The following ST8SIA4 variants were observed in gnomAD, a reference collection of about 807,000 sequenced individuals.
ST8SIA4 encodes the protein CMP-N-acetylneuraminate-poly-alpha-2,8-sialyltransferase.
ST8SIA4 carries 15 observed loss-of-function variants against 33.9 expected under a neutral mutation model. That is an observed-to-expected ratio of 0.44 (90% CI 0.30 to 0.68). The LOEUF (loss-of-function observed/expected upper bound fraction) is 0.68, where lower values mean the gene tolerates loss of function less well. Among genes scored for constraint, ST8SIA4 ranks in the 30% least tolerant of loss-of-function variants. The pLI is 0.10. For synonymous variants in ST8SIA4, 171 were observed against 151.2 expected, an observed-to-expected ratio of 1.13 and a Z score of -0.96; for missense variants, 321 against 428.0, an observed-to-expected ratio of 0.75 and a Z score of 2.21.
At chr5:100,822,857 G>T (rs1561384950) in intron 4 of ST8SIA4, among the ~76,000 whole-genome samples, 1 of 152,054 alleles carries the variant, frequency 6.6e-6, no homozygotes, top group Non-Finnish European at 1.5e-5. Context: ...GAAACCAGGC[G>T]AAACTCACCA....
Position 100,875,919 on chromosome 5 carries a change from G to T in ST8SIA4, c.503+10424C>A, listed in dbSNP as rs77684450. ...AAATTTACTAATGTTAAAAGTAGTG[G>T]TATCAAGTAGTGTTTTAGTGTTTTA... On this transcript the variant is annotated intron_variant, in intron 3 of 4. Coordinates refer to ENST00000231461, the MANE Select transcript of ST8SIA4 (RefSeq NM_005668.6). 2.5e-3 allele frequency among the ~76,000 whole-genome samples: 386 copies of T among 152,158 alleles called. 5 individuals carry two copies. In the East Asian group the frequency reaches 0.027, roughly 11 times the overall value.
chr5:100,816,993 A>G (rs1390005327), intron 4 of ST8SIA4, among the ~76,000 whole-genome samples: 2 of 147,428 alleles, frequency 1.4e-5, no homozygotes, highest in Non-Finnish European at 3.0e-5. Context: ...CCCAGGCTGG[A>G]GTGCAATGGC....
rs1051648592 is a variant in ST8SIA4 at position 100,822,483 on chromosome 5, G to T, written c.798-10354C>A. Among the ~76,000 whole-genome samples the T allele has an allele frequency of 2.0e-5, 3 of 152,328 alleles. No individual in the cohort carries two copies. In the East Asian group the frequency reaches 5.8e-4, roughly 29 times the overall value. ...GCCTTGGCTAGTCCTTGCAATGTCTGTGTTTCAGATTCCTGATCTCTAAAT... is the reference window on the plus strand; with the variant it reads ...GCCTTGGCTAGTCCTTGCAATGTCTTTGTTTCAGATTCCTGATCTCTAAAT... On this transcript the variant is annotated intron_variant, in intron 4 of 4. Transcript: ENST00000231461.
intron 3 of ST8SIA4, among the ~76,000 whole-genome samples, chr5:100,881,824 C>T (rs1752430985): frequency 1.3e-5 from 2 of 152,118 alleles, no homozygotes; most frequent in South Asian, 4.1e-4. Context: ...TCTAGGGTTT[C>T]CGCTTTTGCA....
chr5:100,836,086 G>T (rs1424881001), intron 4 of ST8SIA4, among the ~76,000 whole-genome samples: 2 of 152,048 alleles, frequency 1.3e-5, no homozygotes, highest in Non-Finnish European at 2.9e-5. Context: ...AGAGAAATGA[G>T]CTTTGCTTAA....
At chr5:100,849,747 A>G (rs574777625) in intron 4 of ST8SIA4, among the ~76,000 whole-genome samples, 2 of 152,304 alleles carry the variant, frequency 1.3e-5, no homozygotes, top group African/African-American at 4.8e-5. Context: ...GTGAGCCGAT[A>G]TTGCACCACC....
At chr5:100,873,666 G>A (rs564418856) in intron 3 of ST8SIA4, among the ~76,000 whole-genome samples, 16 of 152,214 alleles carry the variant, frequency 1.1e-4, no homozygotes, top group Non-Finnish European at 1.9e-4. Context: ...GTACTTAAGT[G>A]CTGCTTGAGA....
chr5:100,871,084 T>G (rs530101076), intron 3 of ST8SIA4, among the ~76,000 whole-genome samples: 1 of 152,108 alleles, frequency 6.6e-6, no homozygotes, highest in Non-Finnish European at 1.5e-5. Context: ...CTGTTTGAGT[T>G]AAGGGAATAC....
At chr5:100,873,580 A>G (rs781086288) in intron 3 of ST8SIA4, among the ~76,000 whole-genome samples, 1 of 152,176 alleles carries the variant, frequency 6.6e-6, no homozygotes, top group Non-Finnish European at 1.5e-5. Flanking sequence ...AGTCCACCAT[A>G]TAACACCAAA....
At chr5:100,891,310 A>G (rs556032832) in intron 2 of ST8SIA4, among the ~76,000 whole-genome samples, 1 of 152,136 alleles carries the variant, frequency 6.6e-6, no homozygotes, top group South Asian at 2.1e-4. Context: ...TTAAGTTAGT[A>G]CTGACCCAGT....
intron 4 of ST8SIA4, among the ~76,000 whole-genome samples, chr5:100,835,200 T>C (rs1375183400): frequency 6.6e-6 from 1 of 152,154 alleles, no homozygotes; most frequent in Non-Finnish European, 1.5e-5. Flanking sequence ...AAATGGCACA[T>C]GATTAGCTAT....
rs79942378 is a variant in ST8SIA4, at chr5:100,863,016, C to T, written c.504-6620G>A. 6.8e-3 allele frequency among the ~76,000 whole-genome samples: 1,031 copies of T among 152,272 alleles called. 9 individuals carry two copies. Among genetic ancestry groups the T allele is most frequent in the African/African-American group, 0.023 (971 of 41,550 alleles). On this transcript the variant is annotated intron_variant, in intron 3 of 4. Transcript: ENST00000231461. The stretch of plus-strand genomic sequence containing the variant: ...AGTGATATGGCTGTGACTTCTATCA[C>T]CTTGTTGAACCTCATGTTTGGTCTG...
chr5:100,838,357 T>C (rs1206301458), intron 4 of ST8SIA4, among the ~76,000 whole-genome samples: 3 of 151,982 alleles, frequency 2.0e-5, no homozygotes, highest in Admixed American at 2.0e-4. Context: ...CAAGTCAAAC[T>C]GTGAGTCATG....
rs773074391 is a variant in ST8SIA4 at position 100,852,114 on chromosome 5, CTTTTTTTTTTTTTT to C, written c.797+3975_797+3988del. Among the ~76,000 whole-genome samples, 280 of 83,506 alleles carry C rather than the reference CTTTTTTTTTTTTTT, an allele frequency of 3.4e-3. 2 individuals carry two copies. Among genetic ancestry groups the C allele is most frequent in the African/African-American group, 0.013 (263 of 19,640 alleles). 54.8% of individuals were successfully genotyped at this position (83,506 alleles called of 152,430 possible). Reference sequence around the variant, plus strand: ...TTACTATCTTATTTGCTCCACTCTTCTTTTTTTTTTTTTTTTTTTTTTTTGAGACGGAGTATCAC... The same window carrying C: ...TTACTATCTTATTTGCTCCACTCTTCTTTTTTTTTTGAGACGGAGTATCAC... On this transcript the variant is annotated intron_variant, in intron 4 of 4. Coordinates refer to ENST00000231461, the MANE Select transcript of ST8SIA4 (RefSeq NM_005668.6).
intron 4 of ST8SIA4, chr5:100,816,573 G>A (rs758064689): frequency 4.0e-6 from 2 of 504,830 alleles, no homozygotes; most frequent in African/African-American, 4.0e-5. Flanking sequence ...AATAATGATA[G>A]TTTTTTCTCT....
intron 4 of ST8SIA4, chr5:100,849,263 G>C (rs1405342979): frequency 2.0e-6 from 2 of 983,180 alleles, no homozygotes; most frequent in Admixed American, 6.2e-5. Context: ...ATATACATTG[G>C]TACGTATATT....
At chr5:100,828,423 T>C (rs1751186461) in intron 4 of ST8SIA4, among the ~76,000 whole-genome samples, 1 of 152,202 alleles carries the variant, frequency 6.6e-6, no homozygotes, top group Admixed American at 6.5e-5. Context: ...GGCTCCAAGC[T>C]CCACTTTTCC....
intron 4 of ST8SIA4, among the ~76,000 whole-genome samples, chr5:100,843,030 A>T (rs1477527604): frequency 6.6e-6 from 1 of 151,910 alleles, no homozygotes; most frequent in Non-Finnish European, 1.5e-5. Context: ...AAGTTTGCTG[A>T]AATTTGTATA....
intron 4 of ST8SIA4, among the ~76,000 whole-genome samples, chr5:100,827,249 C>T (rs1278368433): frequency 2.6e-5 from 4 of 152,152 alleles, no homozygotes; most frequent in South Asian, 2.1e-4. Context: ...CTTAAATCTA[C>T]GTTGTGAAAA....
Sources: gnomAD v4.1 joint callset for allele counts (sites outside exome capture counted in the v4.1 genomes callset) on GRCh38, gnomAD v4.1.1 for gene constraint, MANE v1.5 for transcripts, NCBI Gene and HGNC (gene_info 2026-07-23, HGNC 2026-07-21) for gene names.